BIRC6: variants seen among roughly 807,000 people sequenced by gnomAD.
BIRC6 encodes baculoviral IAP repeat containing 6, also known as dual E2 ubiquitin-conjugating enzyme/E3 ubiquitin-protein ligase BIRC6.
Under a neutral mutation model 503.3 loss-of-function variants are expected in BIRC6, and 98 were observed. The ratio of observed to expected loss-of-function variants is 0.19; its 90% CI spans 0.17 to 0.23. BIRC6 has a LOEUF of 0.23. BIRC6 is among the 10% of genes least tolerant of loss of function. BIRC6 has a pLI of 1.00. For synonymous variants in BIRC6, 2,240 were observed against 2,078.7 expected, an observed-to-expected ratio of 1.08 and a Z score of -2.11; for missense variants, 5,360 against 5,806.0, an observed-to-expected ratio of 0.92 and a Z score of 2.50.
At chr2:32,560,420 A>G (rs192939125) in intron 65 of BIRC6, among the ~76,000 whole-genome samples, 7 of 152,218 alleles carry the variant, frequency 4.6e-5, no homozygotes, top group Admixed American at 3.9e-4. Context: ...TTCTATTTCC[A>G]TAATGTAAGA....
intron 65 of BIRC6, among the ~76,000 whole-genome samples, chr2:32,563,064 G>A (rs1021693706): frequency 1.3e-5 from 2 of 152,148 alleles, no homozygotes; most frequent in South Asian, 2.1e-4. Context: ...GCTATGCTAC[G>A]TATTTTGCCT....
chr2:32,483,646 G>T (rs2050665054), intron 39 of BIRC6, among the ~76,000 whole-genome samples: 1 of 152,182 alleles, frequency 6.6e-6, no homozygotes, highest in South Asian at 2.1e-4. Context: ...CATTCAGTCT[G>T]CAGTAGTTCC....
At chr2:32,496,003 A>T (rs374157058) in intron 45 of BIRC6, among the ~76,000 whole-genome samples, 1 of 150,530 alleles carries the variant, frequency 6.6e-6, no homozygotes, top group East Asian at 2.0e-4. Flanking sequence ...ACGCCCTGCT[A>T]ATTTTGTTTT....
intron 21 of BIRC6, among the ~76,000 whole-genome samples, chr2:32,446,797 C>A (rs1486926179): frequency 1.0e-5 from 1 of 97,132 alleles, no homozygotes; most frequent in African/African-American, 4.3e-5. Context: ...GTGTTTCTCG[C>A]AGAAGGGGAT....
At chr2:32,378,827 C>G (rs143322504) in intron 2 of BIRC6, 48 of 152,292 alleles carry the variant, frequency 3.2e-4, no homozygotes, top group African/African-American at 1.1e-3. Flanking sequence ...GCCATATATA[C>G]TTTTCTGTAG....
chr2:32,597,944 T>C lies in BIRC6; in HGVS notation c.13806T>C (p.Asp4602=). The C allele has an allele frequency of 6.2e-7, 1 of 1,612,940 alleles. No individual in the cohort carries two copies. Among genetic ancestry groups the C allele is most frequent in the African/African-American group, 1.3e-5 (1 of 75,048 alleles). The change falls in exon 69 of 74, where the codon GAT becomes GAC. Residue 4602 remains aspartate, a synonymous_variant. Transcript: ENST00000421745. The stretch of plus-strand genomic sequence containing the variant: ...CCTCTAGTGTGTTTGTACGCTGTGA[T>C]GAGGAGCGACTTGATATCATGAAGG... ...SSSSSVFVRC[D]EERLDIMKVL...
Position 32,543,223 on chromosome 2 carries a change from A to C in BIRC6, c.12292-18A>C. The C allele has an allele frequency of 6.2e-7, 1 of 1,608,804 alleles. No individual in the cohort carries two copies. Among genetic ancestry groups the C allele is most frequent in the Non-Finnish European group, 8.5e-7 (1 of 1,176,122 alleles). On this transcript the variant is annotated intron_variant, in intron 61 of 73. Transcript: ENST00000421745. ...TGAAAATGTGAATGGCCAAGCCAAC[A>C]CTTTTCTTTTTCTTTAGGTGAGTGC...
chr2:32,518,679 C>A, intron 56 of BIRC6, 138 bp from the exon 57 acceptor site: 1 of 1,093,324 alleles, frequency 9.1e-7, no homozygotes. Flanking sequence ...CAAATCATGG[C>A]AACTATGCCA....
chr2:32,363,401 C>T (rs1291202952), intron 1 of BIRC6, among the ~76,000 whole-genome samples: 4 of 151,954 alleles, frequency 2.6e-5, no homozygotes, highest in Admixed American at 6.6e-5. Flanking sequence ...AGTTTTTGGA[C>T]TTAAACTGAA....
At chr2:32,477,848 C>T (rs1185188668) in intron 35 of BIRC6, among the ~76,000 whole-genome samples, 2 of 150,866 alleles carry the variant, frequency 1.3e-5, no homozygotes, top group Non-Finnish European at 3.0e-5. Context: ...TGCTTTTTTG[C>T]AGTTAGTTTT....
chr2:32,510,797 A>G (rs1232892408), intron 53 of BIRC6, among the ~76,000 whole-genome samples, 163 bp downstream of exon 53: 1 of 152,250 alleles, frequency 6.6e-6, no homozygotes, highest in Non-Finnish European at 1.5e-5. Context: ...GCAAGTATTC[A>G]TGAACATTAG....
At position 32,598,248 on chromosome 2, in the gene BIRC6, T is replaced by C. The variant is rs1056097113; in HGVS notation, c.13830+280T>C. Among the ~76,000 whole-genome samples the C allele has an allele frequency of 2.0e-5, 3 of 151,306 alleles. No individual in the cohort carries two copies. In the East Asian group the frequency reaches 5.8e-4, roughly 29 times the overall value. On this transcript the variant is annotated intron_variant, in intron 69 of 73. Coordinates refer to ENST00000421745, the MANE Select transcript of BIRC6 (RefSeq NM_016252.4). ...GCCCTTTTCTAATGTTAGTTCAGAG[T>C]GTGTGGATCACGCTGCTGTTGAAAA...
chr2:32,508,010 G>A lies in BIRC6; in HGVS notation c.9731G>A (p.Ser3244Asn). The part of the protein sequence containing the change: ...TCPSSVSVEV[S>N]ADGVNMLPLS... ...CCTTCCTCAGTGTCTGTTGAAGTAAGTGCAGATGGGGTAAATATGCTACCT... is the reference window on the plus strand; with the variant it reads ...CCTTCCTCAGTGTCTGTTGAAGTAAATGCAGATGGGGTAAATATGCTACCT... The change falls in exon 51 of 74, where the codon AGT (serine) becomes AAT (asparagine). Residue 3244 changes from serine (S) to asparagine (N), a missense_variant. Ser to Asn is a conservative substitution (Grantham distance 46). Coordinates refer to ENST00000421745, the MANE Select transcript of BIRC6 (RefSeq NM_016252.4). 1.2e-6 allele frequency: 2 copies of A among 1,613,854 alleles called. No homozygotes were observed. The highest frequency in any genetic ancestry group is 1.7e-6 in the Non-Finnish European group (2 of 1,179,866).
chr2:32,553,229 A>G (rs1191785110), intron 65 of BIRC6, among the ~76,000 whole-genome samples: 1 of 139,042 alleles, frequency 7.2e-6, no homozygotes, highest in Non-Finnish European at 1.5e-5. Flanking sequence ...AAAAAAAAAA[A>G]AAAAAGATAA....
Position 32,430,986 on chromosome 2 carries a change from A to G in BIRC6, c.3144A>G (p.Glu1048=), listed in dbSNP as rs1346534685. 6 of 1,613,198 alleles carry G rather than the reference A, an allele frequency of 3.7e-6. No homozygotes were observed. Among genetic ancestry groups the G allele is most frequent in the Non-Finnish European group, 5.1e-6 (6 of 1,179,736 alleles). The change falls in exon 12 of 74, where the codon GAA becomes GAG. Residue 1048 remains glutamate, a synonymous_variant. Transcript: ENST00000421745. ...CGACTGTTCCTCCATGCTGGGTAGA[A>G]GTTCAACAAGAACAGCAGCAAAGGA... ...FSATVPPCWV[E]VQQEQQQRRH... is the part of the protein sequence containing the mutation.
chr2:32,560,972 G>A (rs2059133637), intron 65 of BIRC6, among the ~76,000 whole-genome samples: 1 of 151,918 alleles, frequency 6.6e-6, no homozygotes. Context: ...GGCCGAGGCG[G>A]GTGGATCACG....
intron 41 of BIRC6, 139 bp downstream of exon 41, chr2:32,487,940 T>G: frequency 1.4e-6 from 1 of 695,254 alleles, no homozygotes; most frequent in Admixed American, 2.9e-5. Flanking sequence ...TTAGAAATAC[T>G]TTGATTACCA....
intron 3 of BIRC6, among the ~76,000 whole-genome samples, chr2:32,381,183 A>T (rs1573796051): frequency 6.6e-6 from 1 of 152,216 alleles, no homozygotes; most frequent in African/African-American, 2.4e-5. Flanking sequence ...TCTCAAGTGC[A>T]GTTGTAACTA....
chr2:32,361,322 T>C (rs1263617222), intron 1 of BIRC6, among the ~76,000 whole-genome samples: 1 of 152,216 alleles, frequency 6.6e-6, no homozygotes, highest in Non-Finnish European at 1.5e-5. Flanking sequence ...TACTAATTGC[T>C]AAGTAAACAC....
Sources: gnomAD v4.1 joint callset for allele counts (sites outside exome capture counted in the v4.1 genomes callset) on GRCh38, gnomAD v4.1.1 for gene constraint, MANE v1.5 for transcripts, NCBI Gene and HGNC (gene_info 2026-07-23, HGNC 2026-07-21) for gene names.